Variants in CSMD1 observed in about 807,000 individuals in gnomAD.
CSMD1 encodes CUB and sushi domain-containing protein 1.
CSMD1 carries 213 observed loss-of-function variants against 417.5 expected under a neutral mutation model. The ratio of observed to expected loss-of-function variants is 0.51; its 90% CI spans 0.46 to 0.57. The LOEUF (loss-of-function observed/expected upper bound fraction) is 0.57. Ranked by LOEUF, CSMD1 falls within the 20% of genes least tolerant of loss-of-function variation. The probability of loss-of-function intolerance (pLI) is 0.00; values close to 1 mark genes in which losing one functional copy is unlikely to be tolerated. For missense variants in CSMD1, 6,923 were observed against 4,529.7 expected (o/e 1.53, Z -15.17); for synonymous variants, 2,862 against 1,736.8 (o/e 1.65, Z -16.11).
chr8:4,191,813 T>C (rs1037124656), intron 3 of CSMD1, among the ~76,000 whole-genome samples: 6 of 150,648 alleles, frequency 4.0e-5, no homozygotes, highest in Admixed American at 6.6e-5. Context: ...TCATCTCCTA[T>C]CGAATGATTT....
intron 49 of CSMD1, among the ~76,000 whole-genome samples, chr8:3,085,103 A>C (rs1814427054): frequency 6.6e-6 from 1 of 152,186 alleles, no homozygotes. Flanking sequence ...TCTTCTGGCA[A>C]GGAAAATTCC....
At chr8:4,793,334 A>G (rs887245209) in intron 1 of CSMD1, among the ~76,000 whole-genome samples, 20 of 152,310 alleles carry the variant, frequency 1.3e-4, no homozygotes, top group South Asian at 2.1e-4. Flanking sequence ...CATTTTTATT[A>G]TAGTACTATA....
At chr8:3,918,385 C>T (rs1035014589) in intron 5 of CSMD1, among the ~76,000 whole-genome samples, 2 of 152,048 alleles carry the variant, frequency 1.3e-5, no homozygotes, top group African/African-American at 2.4e-5. Flanking sequence ...TAATGGCCAT[C>T]TTAACAAATA....
intron 25 of CSMD1, among the ~76,000 whole-genome samples, chr8:3,297,637 T>A (rs1484896535): frequency 6.6e-6 from 1 of 152,158 alleles, no homozygotes; most frequent in African/African-American, 2.4e-5. Context: ...GTCTCCATAC[T>A]GTACACAAAA....
intron 40 of CSMD1, among the ~76,000 whole-genome samples, chr8:3,145,368 G>C (rs569123643): frequency 7.8e-4 from 118 of 152,126 alleles, no homozygotes; most frequent in Non-Finnish European, 1.4e-3. Flanking sequence ...TATTTATCCA[G>C]AAACACATTT....
intron 7 of CSMD1, among the ~76,000 whole-genome samples, chr8:3,638,823 C>G (rs575135452): frequency 5.3e-5 from 8 of 152,272 alleles, no homozygotes; most frequent in Admixed American, 4.6e-4. Context: ...TCTCCTTCCT[C>G]ACACCTTGTC....
At chr8:3,207,732 C>G (rs2116772136) in intron 30 of CSMD1, among the ~76,000 whole-genome samples, 2 of 152,256 alleles carry the variant, frequency 1.3e-5, no homozygotes, top group South Asian at 4.1e-4. Flanking sequence ...TTCATCAAAG[C>G]TGACAGAAAT....
chr8:3,493,405 A>C (rs534723436), intron 11 of CSMD1, among the ~76,000 whole-genome samples: 1 of 152,102 alleles, frequency 6.6e-6, no homozygotes, highest in Non-Finnish European at 1.5e-5. Flanking sequence ...TGTTTTTAAT[A>C]ATTGAAGAAA....
intron 54 of CSMD1, among the ~76,000 whole-genome samples, chr8:2,979,928 A>G (rs1323335434): frequency 1.3e-5 from 2 of 152,238 alleles, no homozygotes; most frequent in African/African-American, 4.8e-5. Context: ...AATTGTAACC[A>G]AATCTCTGAA....
chr8:3,877,542 C>A (rs1805907371), intron 5 of CSMD1, among the ~76,000 whole-genome samples: 1 of 152,152 alleles, frequency 6.6e-6, no homozygotes, highest in Non-Finnish European at 1.5e-5. Context: ...TCCCCATATT[C>A]AGGTAAAGGC....
intron 1 of CSMD1, among the ~76,000 whole-genome samples, chr8:4,837,037 G>T (rs1475441586): frequency 6.7e-6 from 1 of 149,160 alleles, no homozygotes; most frequent in Admixed American, 6.6e-5. Context: ...TGTTGTTGTT[G>T]TTAAGAGACC....
chr8:4,955,999 C>A (rs1168307707), intron 1 of CSMD1, among the ~76,000 whole-genome samples: 1 of 152,174 alleles, frequency 6.6e-6, no homozygotes, highest in African/African-American at 2.4e-5. Context: ...CTGAAGGATT[C>A]TAGACAACTA....
At chr8:4,043,199 T>A (rs1280634388) in intron 3 of CSMD1, among the ~76,000 whole-genome samples, 1 of 152,114 alleles carries the variant, frequency 6.6e-6, no homozygotes, top group Non-Finnish European at 1.5e-5. Context: ...TAGACTGCTA[T>A]AAAGTCTAAA....
intron 5 of CSMD1, among the ~76,000 whole-genome samples, chr8:3,774,006 C>A (rs896867492): frequency 2.0e-5 from 3 of 152,174 alleles, no homozygotes; most frequent in Non-Finnish European, 4.4e-5. Flanking sequence ...CTTTTACTTA[C>A]ACAGTTGCTG....
At chr8:4,024,481 C>A (rs987152375) in intron 4 of CSMD1, among the ~76,000 whole-genome samples, 1 of 152,126 alleles carries the variant, frequency 6.6e-6, no homozygotes, top group African/African-American at 2.4e-5. Flanking sequence ...TGGGATGAGA[C>A]CACCCAAACT....
chr8:4,370,679 G>C (rs1309522427), intron 3 of CSMD1, among the ~76,000 whole-genome samples: 3 of 152,118 alleles, frequency 2.0e-5, no homozygotes, highest in African/African-American at 7.2e-5. Flanking sequence ...TCAAAGGAGT[G>C]GTGTTCAAGA....
In CSMD1 at chr8:4,179,115, G is replaced by T. The variant is rs555119012; in HGVS notation, c.416-147016C>A. Among the ~76,000 whole-genome samples, 8 of 152,166 alleles carry T rather than the reference G, an allele frequency of 5.3e-5. No individual in the cohort carries two copies. In the East Asian group the frequency reaches 9.7e-4, roughly 18 times the overall value. ...ATGGAAACAAAAAAGAGCCCGCATC[G>T]CCAAGTCAATCCTAAGCCAAAGGAA... On this transcript the variant is annotated intron_variant, in intron 3 of 69. Transcript: ENST00000635120.
At chr8:3,555,520 G>A (rs930139378) in intron 10 of CSMD1, among the ~76,000 whole-genome samples, 2 of 152,156 alleles carry the variant, frequency 1.3e-5, no homozygotes, top group African/African-American at 4.8e-5. Context: ...AGCCCCATTT[G>A]CAAAAATTCC....
chr8:4,184,106 G>T (rs1390328283), intron 3 of CSMD1, among the ~76,000 whole-genome samples: 1 of 152,130 alleles, frequency 6.6e-6, no homozygotes, highest in Non-Finnish European at 1.5e-5. Context: ...TTTTAGGAAT[G>T]TTAACTATAA....
Sources: allele counts gnomAD v4.1 joint callset (sites outside exome capture counted in the v4.1 genomes callset), GRCh38; gene constraint gnomAD v4.1.1; transcripts MANE v1.5; gene names NCBI Gene and HGNC (gene_info 2026-07-23, HGNC 2026-07-21).